Variants in ENTREP2 observed in about 807,000 individuals in gnomAD.
The protein encoded by ENTREP2 is endosomal transmembrane epsin interactor 2, also known as protein ENTREP2.
the ENTREP2 span, among the ~76,000 whole-genome samples, chr15:29,472,996 T>C: frequency 6.6e-6 from 1 of 152,048 alleles, no homozygotes; most frequent in East Asian, 1.9e-4. Flanking sequence ...GTCTTCAAAG[T>C]AGTCCCAAGA....
the ENTREP2 span, among the ~76,000 whole-genome samples, chr15:29,344,041 CA>C: frequency 2.0e-5 from 3 of 152,168 alleles, no homozygotes; most frequent in Non-Finnish European, 2.9e-5. Flanking sequence ...TAATATTCTA[CA>C]AATCTGGTGT....
At chr15:29,396,888 A>G in the ENTREP2 span, among the ~76,000 whole-genome samples, 1 of 152,222 alleles carries the variant, frequency 6.6e-6, no homozygotes, top group South Asian at 2.1e-4. Context: ...AAGGAGTGAC[A>G]TAGTAACTGA....
At chr15:29,246,207 C>T in the ENTREP2 span, among the ~76,000 whole-genome samples, 1 of 151,940 alleles carries the variant, frequency 6.6e-6, no homozygotes, top group Non-Finnish European at 1.5e-5. Context: ...GCCTGGCCAA[C>T]ACGGTGAAAC....
At chr15:29,234,052 G>A in the ENTREP2 span, 1 of 1,458,666 alleles carries the variant, frequency 6.9e-7, no homozygotes, top group Admixed American at 1.7e-5. Flanking sequence ...ATCCTCTATT[G>A]CTTTGTGCAA....
At chr15:29,653,882 G>C in the ENTREP2 span, among the ~76,000 whole-genome samples, 1 of 152,094 alleles carries the variant, frequency 6.6e-6, no homozygotes, top group African/African-American at 2.4e-5. Flanking sequence ...TAAAGCTCCA[G>C]AAATCGGAAA....
the ENTREP2 span, among the ~76,000 whole-genome samples, chr15:29,545,791 C>G: frequency 1.1e-4 from 16 of 152,260 alleles, no homozygotes; most frequent in African/African-American, 3.9e-4. Context: ...AATGTGGACA[C>G]TATAAATCTA....
At chr15:29,650,787 T>C in the ENTREP2 span, among the ~76,000 whole-genome samples, 2 of 152,128 alleles carry the variant, frequency 1.3e-5, no homozygotes, top group Admixed American at 6.5e-5. Flanking sequence ...GGCAGGAGGA[T>C]TGCTTGAGAC....
chr15:29,444,980 C>G, the ENTREP2 span, among the ~76,000 whole-genome samples: 13 of 152,188 alleles, frequency 8.5e-5, no homozygotes, highest in Non-Finnish European at 1.6e-4. Context: ...CTAAAAGAAA[C>G]AGGGCTGCCA....
the ENTREP2 span, among the ~76,000 whole-genome samples, chr15:29,200,087 C>T: frequency 6.6e-6 from 1 of 152,208 alleles, no homozygotes; most frequent in East Asian, 1.9e-4. Context: ...CCACCAACCA[C>T]CAAGTCTTGA....
the ENTREP2 span, among the ~76,000 whole-genome samples, chr15:29,205,121 G>A: frequency 2.0e-5 from 3 of 152,090 alleles, 1 homozygote; most frequent in South Asian, 6.2e-4. Flanking sequence ...TGTCTTCAAG[G>A]TTCATCCATG....
At chr15:29,427,538 TC>T in the ENTREP2 span, among the ~76,000 whole-genome samples, 8 of 152,158 alleles carry the variant, frequency 5.3e-5, no homozygotes, top group Admixed American at 6.6e-5. Flanking sequence ...CCTTGCCTTC[TC>T]CAGCTTCCAG....
At chr15:29,352,963 T>G in the ENTREP2 span, among the ~76,000 whole-genome samples, 6 of 152,168 alleles carry the variant, frequency 3.9e-5, no homozygotes. Flanking sequence ...TCTATTAGGT[T>G]AAACCCATAC....
At chr15:29,552,863 C>A in the ENTREP2 span, among the ~76,000 whole-genome samples, 1 of 152,190 alleles carries the variant, frequency 6.6e-6, no homozygotes, top group East Asian at 1.9e-4. Flanking sequence ...AAAGACCCCA[C>A]TCACAGTAAC....
chr15:29,502,589 T>G, the ENTREP2 span, among the ~76,000 whole-genome samples: 1 of 151,952 alleles, frequency 6.6e-6, no homozygotes, highest in Non-Finnish European at 1.5e-5. Context: ...AATAGATGAA[T>G]TGAACCTCAT....
chr15:29,406,367 C>A, the ENTREP2 span, among the ~76,000 whole-genome samples: 4 of 151,980 alleles, frequency 2.6e-5, no homozygotes, highest in African/African-American at 7.2e-5. Context: ...GCCAACATGG[C>A]GAAACCGCAT....
chr15:29,535,408 G>A, the ENTREP2 span, among the ~76,000 whole-genome samples: 1 of 151,914 alleles, frequency 6.6e-6, no homozygotes, highest in Non-Finnish European at 1.5e-5. Flanking sequence ...GTAAGGCCAG[G>A]CATGGTGGCT....
the ENTREP2 span, among the ~76,000 whole-genome samples, chr15:29,421,238 G>A: frequency 6.6e-6 from 1 of 152,232 alleles, no homozygotes; most frequent in East Asian, 1.9e-4. Flanking sequence ...GTTAGTGAAA[G>A]TGAACATACC....
At chr15:29,627,776 A>G in the ENTREP2 span, among the ~76,000 whole-genome samples, 1 of 152,068 alleles carries the variant, frequency 6.6e-6, no homozygotes, top group Admixed American at 6.6e-5. Flanking sequence ...CACTTTGCAC[A>G]TGTTTTCAAG....
At chr15:29,292,912 G>A in the ENTREP2 span, among the ~76,000 whole-genome samples, 1 of 152,152 alleles carries the variant, frequency 6.6e-6, no homozygotes, top group Non-Finnish European at 1.5e-5. Flanking sequence ...AAATACATTT[G>A]CCATGAGAAA....
Sources: gnomAD v4.1 joint callset for allele counts (sites outside exome capture counted in the v4.1 genomes callset) on GRCh38, gnomAD v4.1.1 for gene constraint, MANE v1.5 for transcripts, NCBI Gene and HGNC (gene_info 2026-07-23, HGNC 2026-07-21) for gene names.